The following ULK2 variants were observed in gnomAD, a reference collection of about 807,000 sequenced individuals.
ULK2 encodes the protein serine/threonine-protein kinase ULK2.
A neutral mutation model predicts 127.5 loss-of-function variants in ULK2; 76 were observed. The observed-to-expected ratio is 0.60, with a 90% CI of 0.50 to 0.72. ULK2 has a LOEUF of 0.72. Ranked by LOEUF, ULK2 falls within the 30% of genes least tolerant of loss-of-function variation. The pLI is 0.00. For missense variants in ULK2, 1,144 were observed against 1,295.9 expected (o/e 0.88, Z 1.80); for synonymous variants, 452 against 461.9 (o/e 0.98, Z 0.28).
At chr17:19,798,201 C>A (rs1481011267) in intron 17 of ULK2, among the ~76,000 whole-genome samples, 1 of 151,322 alleles carries the variant, frequency 6.6e-6, no homozygotes, top group Non-Finnish European at 1.5e-5. Flanking sequence ...CATAAGATAA[C>A]AGACCTTTCT....
At chr17:19,830,019 G>C (rs1358265688) in intron 10 of ULK2, among the ~76,000 whole-genome samples, 1 of 152,008 alleles carries the variant, frequency 6.6e-6, no homozygotes, top group East Asian at 1.9e-4. Context: ...GTAATGGATA[G>C]GATAACCAGA....
At chr17:19,799,160 CAAAAAAA>C (rs899604997) in intron 17 of ULK2, among the ~76,000 whole-genome samples, 14 of 68,660 alleles carry the variant, frequency 2.0e-4, no homozygotes, top group South Asian at 4.5e-4. Context: ...GACTCCATTT[CAAAAAAA>C]AAAAAAAAAA....
intron 20 of ULK2, among the ~76,000 whole-genome samples, chr17:19,795,379 G>C (rs445958): frequency 7.3e-6 from 1 of 137,268 alleles, no homozygotes; most frequent in African/African-American, 2.8e-5. Context: ...AAAAATCTTC[G>C]TCAGAACTCC....
Position 19,867,354 on chromosome 17 carries a change from C to T in ULK2, c.64G>A (p.Val22Met). 6.2e-7 allele frequency: 1 copy of T among 1,601,756 alleles called. No homozygotes were observed. The highest frequency in any genetic ancestry group is 8.5e-7 in the Non-Finnish European group (1 of 1,175,408). Residue 22 changes from valine to methionine, a missense_variant, in exon 1 of 27, where the codon GTG (valine) becomes ATG (methionine). By Grantham distance (21) the Val-to-Met change is conservative (BLOSUM62 1). Coordinates refer to ENST00000395544, the MANE Select transcript of ULK2 (RefSeq NM_014683.4). ...RDLVGHGAFA[V>M]VFRGRHRQKT... Reference sequence around the variant, plus strand: ...TGGCGGTGCCGCCCCCGGAAGACCACGGCGAAGGCCCCGTGTCCCACGAGA... The same window carrying T: ...TGGCGGTGCCGCCCCCGGAAGACCATGGCGAAGGCCCCGTGTCCCACGAGA...
intron 13 of ULK2, among the ~76,000 whole-genome samples, chr17:19,814,419 T>TACAC (rs1179974040): frequency 2.5e-4 from 4 of 16,206 alleles, no homozygotes; most frequent in African/African-American, 7.1e-4. Flanking sequence ...TACATATATA[T>TACAC]ATATATATAT....
rs976666248 is a variant in ULK2 at position 19,771,316 on chromosome 17, G to C, written c.*5033C>G. 3.9e-5 allele frequency: 6 copies of C among 152,232 alleles called. No individual in the cohort carries two copies. Among genetic ancestry groups the C allele is most frequent in the Admixed American group, 6.5e-5 (1 of 15,284 alleles). 9.4% of individuals were successfully genotyped at this position (152,232 alleles called of 1,614,324 possible). ...CAAATGAATTAACAATTATCAGACT[G>C]ACACAAACATTCCACTTAAACAGCC... On this transcript the variant is annotated 3_prime_UTR_variant, in exon 27 of 27. Coordinates refer to ENST00000395544, the MANE Select transcript of ULK2 (RefSeq NM_014683.4).
At chr17:19,846,024 G>A (rs1212347911) in intron 6 of ULK2, among the ~76,000 whole-genome samples, 1 of 152,170 alleles carries the variant, frequency 6.6e-6, no homozygotes, top group Non-Finnish European at 1.5e-5. Context: ...TACTTGGGAG[G>A]CTGAGGCAGG....
chr17:19,787,230 GC>G (rs1208707940), intron 20 of ULK2, among the ~76,000 whole-genome samples: 1 of 152,070 alleles, frequency 6.6e-6, no homozygotes, highest in East Asian at 1.9e-4. Context: ...CTTGTGATCC[GC>G]CCGCCTTGGC....
intron 20 of ULK2, among the ~76,000 whole-genome samples, chr17:19,787,049 A>G (rs568611249): frequency 8.0e-5 from 12 of 149,966 alleles, no homozygotes; most frequent in South Asian, 6.3e-4. Flanking sequence ...GCCAGGCTGG[A>G]GTGCATTGGC....
intron 13 of ULK2, among the ~76,000 whole-genome samples, chr17:19,811,840 T>A (rs1037479573): frequency 6.6e-6 from 1 of 152,180 alleles, no homozygotes; most frequent in African/African-American, 2.4e-5. Flanking sequence ...GACCACATTT[T>A]AAAAAATTTT....
At chr17:19,840,385 C>CA in intron 9 of ULK2, 1 of 518,794 alleles carries the variant, frequency 1.9e-6, no homozygotes. Flanking sequence ...CCTAAAAACT[C>CA]ACTCTTGGGC....
chr17:19,790,235 G>A (rs1379233663), intron 20 of ULK2, among the ~76,000 whole-genome samples: 3 of 152,082 alleles, frequency 2.0e-5, no homozygotes, highest in African/African-American at 7.2e-5. Context: ...TGGCCAACAT[G>A]GTGAAACACT....
At chr17:19,814,420 A>ACGTATATATACGTATATATATG (rs1567696368) in intron 13 of ULK2, among the ~76,000 whole-genome samples, 1 of 12,832 alleles carries the variant, frequency 7.8e-5, no homozygotes, top group African/African-American at 3.6e-4. Flanking sequence ...ACATATATAT[A>ACGTATATATACGTATATATATG]TATATATATA....
At chr17:19,793,595 G>A (rs865980229) in intron 20 of ULK2, among the ~76,000 whole-genome samples, 21 of 152,174 alleles carry the variant, frequency 1.4e-4, no homozygotes, top group African/African-American at 5.1e-4. Flanking sequence ...AGTTAGGCAA[G>A]GTCCAGATGC....
At chr17:19,840,642 T>G (rs1440100685) in intron 9 of ULK2, 7 of 177,278 alleles carry the variant, frequency 3.9e-5, no homozygotes, top group African/African-American at 1.0e-4. Context: ...TTTGGGAGGA[T>G]GAGGCGGGGG....
chr17:19,776,452 C>A, intron 26 of ULK2, 45 bp from the exon 27 acceptor site: 1 of 1,488,536 alleles, frequency 6.7e-7, no homozygotes, highest in Non-Finnish European at 9.1e-7. Flanking sequence ...AAAAAAATCA[C>A]TATATTGTCA....
intron 20 of ULK2, among the ~76,000 whole-genome samples, chr17:19,794,198 G>A (rs1043565271): frequency 1.3e-5 from 2 of 151,666 alleles, no homozygotes; most frequent in Non-Finnish European, 2.9e-5. Context: ...AATGAAAGAA[G>A]AAGAAGAAGA....
chr17:19,805,030 A>G (rs1338196187), intron 14 of ULK2, among the ~76,000 whole-genome samples, 200 bp from the exon 15 acceptor site: 1 of 127,270 alleles, frequency 7.9e-6, no homozygotes, highest in African/African-American at 2.8e-5. Flanking sequence ...CCTGGCATTC[A>G]TATGCATATT....
At chr17:19,846,659 A>G (rs1416558155) in intron 6 of ULK2, 78 bp downstream of exon 6, 4 of 1,428,966 alleles carry the variant, frequency 2.8e-6, no homozygotes, top group Non-Finnish European at 1.9e-6. Context: ...AAAAAAATCC[A>G]TCATTCAACA....
Sources: gnomAD v4.1 joint callset for allele counts (sites outside exome capture counted in the v4.1 genomes callset) on GRCh38, gnomAD v4.1.1 for gene constraint, MANE v1.5 for transcripts, NCBI Gene and HGNC (gene_info 2026-07-23, HGNC 2026-07-21) for gene names.